Variants in CSMD3 observed in about 807,000 individuals in gnomAD.
CSMD3 encodes CUB and sushi domain-containing protein 3.
In CSMD3, 177 loss-of-function variants were observed where a neutral mutation model predicts 435.2. The ratio of observed to expected loss-of-function variants is 0.41; its 90% CI spans 0.36 to 0.46. CSMD3 has a LOEUF of 0.46. Among genes scored for constraint, CSMD3 ranks in the 20% least tolerant of loss-of-function variants. The probability of loss-of-function intolerance (pLI) is 0.34; values close to 1 mark genes in which losing one functional copy is unlikely to be tolerated. For missense variants in CSMD3, 4,265 were observed against 4,504.6 expected (o/e 0.95, Z 1.52); for synonymous variants, 1,656 against 1,520.5 (o/e 1.09, Z -2.07).
At chr8:112,715,379 A>C (rs2076702220) in intron 13 of CSMD3, among the ~76,000 whole-genome samples, 1 of 152,204 alleles carries the variant, frequency 6.6e-6, no homozygotes, top group African/African-American at 2.4e-5. Context: ...ACCAGAAAGA[A>C]GTCAAATCCC....
intron 35 of CSMD3, among the ~76,000 whole-genome samples, chr8:112,396,223 G>C (rs1236718154): frequency 6.6e-6 from 1 of 152,146 alleles, no homozygotes; most frequent in Non-Finnish European, 1.5e-5. Context: ...AAATCATTAG[G>C]AATGTAGAAA....
chr8:113,265,802 G>A (rs543858811), intron 3 of CSMD3, among the ~76,000 whole-genome samples: 1 of 151,070 alleles, frequency 6.6e-6, no homozygotes, highest in Non-Finnish European at 1.5e-5. Context: ...TGTGGATTAG[G>A]GTGTTTCCAT....
chr8:112,712,457 G>A (rs939941040), intron 13 of CSMD3, among the ~76,000 whole-genome samples: 2 of 152,034 alleles, frequency 1.3e-5, no homozygotes, highest in Admixed American at 6.6e-5. Context: ...TTATACACAG[G>A]GTTGGATTTA....
chr8:112,540,032 G>A (rs1367857742), intron 27 of CSMD3, among the ~76,000 whole-genome samples: 1 of 151,646 alleles, frequency 6.6e-6, no homozygotes, highest in Non-Finnish European at 1.5e-5. Flanking sequence ...GAATATATAA[G>A]GAACTAAAAC....
At chr8:113,314,851 A>T (rs2132672676) in intron 1 of CSMD3, 58 bp from the exon 2 acceptor site, 1 of 1,142,136 alleles carries the variant, frequency 8.8e-7, no homozygotes, top group South Asian at 1.3e-5. Context: ...ACAATCCATG[A>T]GATAATATTA....
At chr8:112,296,717 C>T (rs1163398796) in intron 53 of CSMD3, among the ~76,000 whole-genome samples, 1 of 151,610 alleles carries the variant, frequency 6.6e-6, no homozygotes, top group Non-Finnish European at 1.5e-5. Flanking sequence ...AAGCAAGGAG[C>T]AAAATGATGT....
At chr8:112,501,875 G>C (rs1481438187) in intron 30 of CSMD3, among the ~76,000 whole-genome samples, 1 of 152,090 alleles carries the variant, frequency 6.6e-6, no homozygotes, top group East Asian at 1.9e-4. Context: ...ATAAATTAAA[G>C]CTATATGTTT....
chr8:112,394,967 A>G (rs1216565025), intron 35 of CSMD3, among the ~76,000 whole-genome samples: 1 of 152,168 alleles, frequency 6.6e-6, no homozygotes, highest in Non-Finnish European at 1.5e-5. Flanking sequence ...TGTGCTTTCA[A>G]ATTACCTCTT....
chr8:112,739,457 C>T (rs1587133457), intron 13 of CSMD3, among the ~76,000 whole-genome samples: 1 of 151,786 alleles, frequency 6.6e-6, no homozygotes, highest in East Asian at 1.9e-4. Context: ...ATAGTTTTTA[C>T]TGGTACTTCT....
chr8:113,269,615 T>C (rs1252607439), intron 3 of CSMD3, among the ~76,000 whole-genome samples: 1 of 151,678 alleles, frequency 6.6e-6, no homozygotes, highest in African/African-American at 2.4e-5. Flanking sequence ...AACAGAAATA[T>C]AGACCAATGG....
chr8:112,979,205 C>T (rs554133376), intron 6 of CSMD3, among the ~76,000 whole-genome samples: 26 of 151,620 alleles, frequency 1.7e-4, no homozygotes, highest in Non-Finnish European at 3.4e-4. Context: ...GAATATTCAA[C>T]GTTGTGTAGA....
intron 54 of CSMD3, among the ~76,000 whole-genome samples, chr8:112,295,249 A>C (rs1338977323): frequency 6.6e-6 from 1 of 152,162 alleles, no homozygotes; most frequent in Non-Finnish European, 1.5e-5. Context: ...CACACTCTCT[A>C]TATAAGGGAA....
chr8:112,693,068 G>A (rs2076173500), intron 13 of CSMD3, among the ~76,000 whole-genome samples: 1 of 151,788 alleles, frequency 6.6e-6, no homozygotes, highest in Non-Finnish European at 1.5e-5. Context: ...GAACAAGGGG[G>A]GACTACTGTA....
At chr8:113,129,140 C>CAA (rs2091219038) in intron 4 of CSMD3, among the ~76,000 whole-genome samples, 1 of 152,086 alleles carries the variant, frequency 6.6e-6, no homozygotes, top group African/African-American at 2.4e-5. Context: ...TTCATATACA[C>CAA]AGAGTTCAAT....
In CSMD3 at chr8:112,546,104, G is replaced by A. The variant is rs933957041; in HGVS notation, c.4564+4567C>T. ...AGAGAGTTTGCAAAGCAGTAGAAAC[G>A]TGCGACGATATTGTCCTTTCAGGAC... On this transcript the variant is annotated intron_variant, in intron 27 of 70. Transcript: ENST00000297405. 6.6e-5 allele frequency among the ~76,000 whole-genome samples: 10 copies of A among 152,190 alleles called. No homozygotes were observed. The South Asian group carries it at 1.0e-3, about 16-fold the overall frequency.
intron 2 of CSMD3, among the ~76,000 whole-genome samples, chr8:113,285,282 CAG>C (rs1464118644): frequency 8.5e-6 from 1 of 118,030 alleles, no homozygotes; most frequent in African/African-American, 3.3e-5. Flanking sequence ...TTTTTTTTGA[CAG>C]AGTCTAGCTC....
At chr8:112,546,437 A>C (rs1827188456) in intron 27 of CSMD3, among the ~76,000 whole-genome samples, 1 of 152,208 alleles carries the variant, frequency 6.6e-6, no homozygotes, top group African/African-American at 2.4e-5. Context: ...GCAATTGGTT[A>C]AAGCTGGGGA....
chr8:113,177,796 T>C (rs376317270), intron 3 of CSMD3, among the ~76,000 whole-genome samples: 23 of 152,032 alleles, frequency 1.5e-4, no homozygotes, highest in Admixed American at 1.1e-3. Context: ...ATGTATATTT[T>C]ATTTATCTTC....
intron 4 of CSMD3, among the ~76,000 whole-genome samples, chr8:113,161,206 T>G (rs560021713): frequency 6.6e-6 from 1 of 152,282 alleles, no homozygotes; most frequent in African/African-American, 2.4e-5. Flanking sequence ...GTAATTGGTA[T>G]AGCATTGCTT....
Sources: allele counts gnomAD v4.1 joint callset (sites outside exome capture counted in the v4.1 genomes callset), GRCh38; gene constraint gnomAD v4.1.1; transcripts MANE v1.5; gene names NCBI Gene and HGNC (gene_info 2026-07-23, HGNC 2026-07-21).